Variants in DCDC2 observed in about 807,000 individuals in gnomAD.
DCDC2 encodes the protein doublecortin domain containing 2.
In DCDC2, 40 loss-of-function variants were observed where a neutral mutation model predicts 50.2. The ratio of observed to expected loss-of-function variants is 0.80; its 90% CI spans 0.62 to 1.04. The LOEUF is 1.04. DCDC2 is among the 50% of genes least tolerant of loss of function. The pLI is 0.00. For synonymous variants in DCDC2, 234 were observed against 210.6 expected (o/e 1.11, Z -0.96); for missense variants, 570 against 581.9 (o/e 0.98, Z 0.21).
At chr6:24,298,963 A>G (rs948414568) in intron 4 of DCDC2, among the ~76,000 whole-genome samples, 2 of 152,234 alleles carry the variant, frequency 1.3e-5, no homozygotes, top group Non-Finnish European at 2.9e-5. Context: ...TAATAGCAAA[A>G]GATTAGAAAT....
chr6:24,288,936 T>C (rs767486049), intron 5 of DCDC2, 30 bp from the exon 6 acceptor site: 1 of 1,530,500 alleles, frequency 6.5e-7, no homozygotes, highest in South Asian at 1.2e-5. Context: ...TTTAGAAATC[T>C]GAATGTTGTT....
intron 2 of DCDC2, among the ~76,000 whole-genome samples, chr6:24,320,140 C>A (rs1759745801): frequency 6.6e-6 from 1 of 152,126 alleles, no homozygotes; most frequent in African/African-American, 2.4e-5. Flanking sequence ...AATTCTAAAT[C>A]TATTTTGAAT....
chr6:24,233,106 G>C (rs1389451486), intron 7 of DCDC2, among the ~76,000 whole-genome samples: 1 of 152,198 alleles, frequency 6.6e-6, no homozygotes, highest in Non-Finnish European at 1.5e-5. Flanking sequence ...ATGGCGATCA[G>C]ACTTCATCAC....
chr6:24,234,054 A>G (rs1477871064), intron 7 of DCDC2, among the ~76,000 whole-genome samples: 3 of 151,336 alleles, frequency 2.0e-5, no homozygotes, highest in African/African-American at 7.3e-5. Context: ...GCACAATGAC[A>G]TAAAGATAAA....
intron 8 of DCDC2, among the ~76,000 whole-genome samples, chr6:24,186,475 G>C (rs779959352): frequency 1.3e-5 from 2 of 152,092 alleles, no homozygotes; most frequent in Non-Finnish European, 2.9e-5. Context: ...ACATACCTGC[G>C]TGCACATGCG....
chr6:24,205,698 G>A (rs1446515482), intron 7 of DCDC2, among the ~76,000 whole-genome samples: 2 of 152,132 alleles, frequency 1.3e-5, no homozygotes, highest in Non-Finnish European at 2.9e-5. Context: ...ACTATCAAAT[G>A]TAAACTCAAT....
intron 7 of DCDC2, among the ~76,000 whole-genome samples, chr6:24,252,729 C>G (rs1376421505): frequency 6.6e-6 from 1 of 152,168 alleles, no homozygotes; most frequent in African/African-American, 2.4e-5. Context: ...ACACAGCACT[C>G]AGCAGTGATA....
intron 8 of DCDC2, among the ~76,000 whole-genome samples, chr6:24,204,646 C>A (rs1180912516): frequency 6.6e-6 from 1 of 152,108 alleles, no homozygotes; most frequent in African/African-American, 2.4e-5. Flanking sequence ...AAATGCTTTT[C>A]TAAGTGGGTA....
chr6:24,210,988 C>T lies in DCDC2; in HGVS notation c.923-5886G>A, dbSNP rs536805027. Reference sequence around the variant, plus strand: ...CTAAAAAGTTCTTTCCCCATTTTCACACCGTCAGCCAGATCTCAGGAAACC... The same window carrying T: ...CTAAAAAGTTCTTTCCCCATTTTCATACCGTCAGCCAGATCTCAGGAAACC... On this transcript the variant is annotated intron_variant, in intron 7 of 9. Coordinates refer to ENST00000378454, the MANE Select transcript of DCDC2 (RefSeq NM_016356.5). Among the ~76,000 whole-genome samples, 3 of 152,362 alleles carry T rather than the reference C, an allele frequency of 2.0e-5. No individual in the cohort carries two copies. The South Asian group carries it at 6.2e-4, about 32-fold the overall frequency.
At chr6:24,261,317 G>T (rs1282880152) in intron 7 of DCDC2, among the ~76,000 whole-genome samples, 2 of 147,742 alleles carry the variant, frequency 1.4e-5, no homozygotes, top group East Asian at 4.1e-4. Flanking sequence ...CATAAGGTTT[G>T]TAACTTCTTA....
At chr6:24,287,116 A>T (rs1763629321) in intron 6 of DCDC2, among the ~76,000 whole-genome samples, 1 of 152,196 alleles carries the variant, frequency 6.6e-6, no homozygotes, top group Non-Finnish European at 1.5e-5. Flanking sequence ...ATTCAAGGAC[A>T]AACACTAGAC....
In DCDC2 at chr6:24,301,741, G is replaced by A; in HGVS notation, c.531C>T (p.Ile177=). The A allele has an allele frequency of 6.2e-7, 1 of 1,614,124 alleles. No homozygotes were observed. Among genetic ancestry groups the A allele is most frequent in the Non-Finnish European group, 8.5e-7 (1 of 1,180,024 alleles). The change falls in exon 4 of 10, where the codon ATC becomes ATT. Residue 177 remains isoleucine (I), a synonymous_variant. Transcript: ENST00000378454. ...TGTGAACAGCCCCGCTCCTCAGAGT[G>A]ATTTTTTCTGTGACCATTTGTAGTA... ...DHVLQMVTEK[I]TLRSGAVHRL...
intron 4 of DCDC2, among the ~76,000 whole-genome samples, chr6:24,293,827 C>T (rs78612998): frequency 0.016 from 2,506 of 152,286 alleles, 42 homozygotes; most frequent in Admixed American, 0.05. Context: ...TCATACCAAA[C>T]ACACCCTCAG....
intron 7 of DCDC2, among the ~76,000 whole-genome samples, chr6:24,224,841 T>C (rs56907330): frequency 0.038 from 5,810 of 152,228 alleles, 238 homozygotes; most frequent in African/African-American, 0.11. Context: ...TTAACTCCTC[T>C]ACGAATGCCC....
chr6:24,372,817 AAAGAC>A, the DCDC2 span, among the ~76,000 whole-genome samples: 1 of 152,202 alleles, frequency 6.6e-6, no homozygotes, highest in African/African-American at 2.4e-5. Flanking sequence ...CCTAATGTTA[AAAGAC>A]AAGTTAATGG....
intron 7 of DCDC2, among the ~76,000 whole-genome samples, chr6:24,259,995 C>G (rs1759186696): frequency 6.6e-6 from 1 of 152,142 alleles, no homozygotes; most frequent in Admixed American, 6.5e-5. Flanking sequence ...TAGAGGCTAA[C>G]TGGTGTTAAA....
chr6:24,207,291 A>ATCTCTCTCTCTCTCT (rs1761741336), intron 7 of DCDC2, among the ~76,000 whole-genome samples: 1 of 111,014 alleles, frequency 9.0e-6, no homozygotes, highest in Non-Finnish European at 1.9e-5. Context: ...TCTCTCTCAG[A>ATCTCTCTCTCTCTCT]CACACACACA....
chr6:24,296,461 GC>G (rs1367925867), intron 4 of DCDC2, among the ~76,000 whole-genome samples: 5 of 152,022 alleles, frequency 3.3e-5, no homozygotes, highest in African/African-American at 1.2e-4. Context: ...CAAAACAAAA[GC>G]AAAAATTTAC....
At chr6:24,207,538 A>G (rs1761747652) in intron 7 of DCDC2, among the ~76,000 whole-genome samples, 1 of 152,156 alleles carries the variant, frequency 6.6e-6, no homozygotes, top group Non-Finnish European at 1.5e-5. Context: ...AATATGCACT[A>G]AGATCTACTG....
Sources: gnomAD v4.1 joint callset for allele counts (sites outside exome capture counted in the v4.1 genomes callset) on GRCh38, gnomAD v4.1.1 for gene constraint, MANE v1.5 for transcripts, NCBI Gene and HGNC (gene_info 2026-07-23, HGNC 2026-07-21) for gene names.